Variants in FER observed in about 807,000 individuals in gnomAD.
The protein encoded by FER is tyrosine-protein kinase Fer.
FER carries 63 observed loss-of-function variants against 111.0 expected under a neutral mutation model. That is an observed-to-expected ratio of 0.57 (90% CI 0.46 to 0.70). The LOEUF is 0.70. Ranked by LOEUF, FER falls within the 30% of genes least tolerant of loss-of-function variation. The pLI is 0.00. For synonymous variants in FER, 327 were observed against 313.9 expected, an observed-to-expected ratio of 1.04 and a Z score of -0.44; for missense variants, 914 against 954.0, an observed-to-expected ratio of 0.96 and a Z score of 0.55.
At chr5:109,160,947 G>GAT (rs1755924685) in intron 17 of FER, among the ~76,000 whole-genome samples, 1 of 152,104 alleles carries the variant, frequency 6.6e-6, no homozygotes, top group Non-Finnish European at 1.5e-5. Context: ...GCCACACCTT[G>GAT]ATATATTATC....
chr5:109,050,262 G>A (rs575290057), intron 16 of FER, among the ~76,000 whole-genome samples: 4 of 152,122 alleles, frequency 2.6e-5, no homozygotes, highest in African/African-American at 9.6e-5. Context: ...GGATACACGG[G>A]GAAAAACATT....
At chr5:109,068,479 T>C (rs562439972) in intron 16 of FER, among the ~76,000 whole-genome samples, 4 of 152,080 alleles carry the variant, frequency 2.6e-5, no homozygotes, top group Non-Finnish European at 5.9e-5. Context: ...ACCGTGCCCG[T>C]TGCTCTGTTA....
intron 12 of FER, 111 bp from the exon 13 acceptor site, chr5:108,959,114 C>A: frequency 9.4e-7 from 1 of 1,063,338 alleles, no homozygotes; most frequent in Non-Finnish European, 1.3e-6. Flanking sequence ...AGTATATTCA[C>A]ATTGTTGTGC....
Position 108,941,661 on chromosome 5 carries a change from A to T in FER, c.1237-4469A>T. Among the ~76,000 whole-genome samples the T allele has an allele frequency of 1.3e-5, 2 of 152,216 alleles. 1 individual carries two copies. Among genetic ancestry groups the T allele is most frequent in the Non-Finnish European group, 2.9e-5 (2 of 68,034 alleles). The stretch of plus-strand genomic sequence containing the variant: ...TAATTTATAATAGTTATGATTTTTC[A>T]TACAAGCAAATTACACAGTTGTTTA... On this transcript the variant is annotated intron_variant, in intron 10 of 19. Coordinates refer to ENST00000281092, the MANE Select transcript of FER (RefSeq NM_005246.4).
At chr5:109,108,302 A>C (rs1402434347) in intron 17 of FER, among the ~76,000 whole-genome samples, 1 of 152,178 alleles carries the variant, frequency 6.6e-6, no homozygotes, top group Non-Finnish European at 1.5e-5. Context: ...GCTGATGATA[A>C]AACCTGTGAA....
chr5:109,110,220 G>A (rs114914494), intron 17 of FER, among the ~76,000 whole-genome samples: 2 of 152,096 alleles, frequency 1.3e-5, no homozygotes, highest in Non-Finnish European at 2.9e-5. Context: ...TGGGGAAAGT[G>A]GATAATAAAC....
At chr5:109,029,425 C>CTTTTTTTTTTTTT (rs757282669) in intron 13 of FER, among the ~76,000 whole-genome samples, 5 of 52,212 alleles carry the variant, frequency 9.6e-5, no homozygotes, top group African/African-American at 2.5e-4. Flanking sequence ...ATTCATTGTT[C>CTTTTTTTTTTTTT]TTTTTTTTTT....
intron 10 of FER, among the ~76,000 whole-genome samples, chr5:108,920,417 G>T (rs1017984350): frequency 1.3e-5 from 2 of 152,090 alleles, no homozygotes; most frequent in African/African-American, 4.8e-5. Context: ...AATTTATAAA[G>T]ATTGTCTTCA....
chr5:108,936,805 C>G (rs955347843), intron 10 of FER, among the ~76,000 whole-genome samples: 5 of 151,910 alleles, frequency 3.3e-5, no homozygotes, highest in Admixed American at 2.6e-4. Flanking sequence ...TTTATAAGTA[C>G]AGCAAACTAG....
chr5:108,848,133 G>A (rs150979391), intron 5 of FER, among the ~76,000 whole-genome samples: 2 of 152,180 alleles, frequency 1.3e-5, no homozygotes, highest in East Asian at 3.9e-4. Flanking sequence ...GCCTCCCTGG[G>A]CCTCCCAAAG....
At chr5:109,014,349 C>T (rs1202918665) in intron 13 of FER, among the ~76,000 whole-genome samples, 2 of 152,168 alleles carry the variant, frequency 1.3e-5, no homozygotes, top group Non-Finnish European at 2.9e-5. Context: ...AATCCTTTCC[C>T]CATTGTTGTT....
In FER at chr5:108,879,704, ATAT is replaced by A. The variant is rs1561553214; in HGVS notation, c.924-3691_924-3689del. ...TATTTTTTTTAGATTAAAAAAAAATATATATATATATATATATATATTTGAGGC... is the reference window on the plus strand; with the variant it reads ...TATTTTTTTTAGATTAAAAAAAAATAATATATATATATATATATTTGAGGC... On this transcript the variant is annotated intron_variant, in intron 8 of 19. Transcript: ENST00000281092. Among the ~76,000 whole-genome samples the A allele has an allele frequency of 3.7e-4, 42 of 114,832 alleles. 1 individual carries two copies. Among genetic ancestry groups the A allele is most frequent in the African/African-American group, 1.8e-3 (42 of 23,240 alleles). The allele number at this position is 114,832 out of a possible 152,430, so 75.3% of individuals were successfully genotyped here. A position where few individuals can be genotyped will look rare whatever the true frequency, so the allele number is the denominator to read the frequency against.
At chr5:109,003,586 T>C (rs139912103) in intron 13 of FER, among the ~76,000 whole-genome samples, 70 of 152,170 alleles carry the variant, frequency 4.6e-4, no homozygotes, top group African/African-American at 1.6e-3. Context: ...CTGCACGTAG[T>C]GCACATGTAT....
chr5:108,842,788 C>T (rs528226741), intron 5 of FER: 3 of 152,264 alleles, frequency 2.0e-5, no homozygotes, highest in East Asian at 3.9e-4. Context: ...GGGAACACTT[C>T]TACACGGCTG....
intron 13 of FER, among the ~76,000 whole-genome samples, chr5:108,991,085 CAG>C (rs540343755): frequency 3.3e-5 from 5 of 151,068 alleles, no homozygotes; most frequent in South Asian, 2.1e-4. Flanking sequence ...ATATCTTAAA[CAG>C]GGGTACTTTT....
chr5:108,996,356 T>C (rs985141123), intron 13 of FER, among the ~76,000 whole-genome samples: 1 of 152,226 alleles, frequency 6.6e-6, no homozygotes, highest in African/African-American at 2.4e-5. Context: ...TCCTGAATGG[T>C]AATGCCTAGG....
intron 10 of FER, among the ~76,000 whole-genome samples, chr5:108,931,105 A>G (rs1159180435): frequency 6.6e-6 from 1 of 152,214 alleles, no homozygotes; most frequent in African/African-American, 2.4e-5. Context: ...TAAAATGAGG[A>G]TAATAACAGG....
chr5:109,135,259 G>C (rs904943340), intron 17 of FER, among the ~76,000 whole-genome samples: 12 of 152,176 alleles, frequency 7.9e-5, no homozygotes, highest in Middle Eastern at 3.4e-3. Context: ...ATGTATATTC[G>C]TTCACTTAAT....
In FER at chr5:108,904,199, C is replaced by G. The variant is rs1381269148; in HGVS notation, c.1236+6351C>G. On this transcript the variant is annotated intron_variant, in intron 10 of 19. Transcript: ENST00000281092. ...TTTTCACTGTTATGGGCCTTTTACT[C>G]TAATTGGAGGGGACAGTGAATAAAC... Among the ~76,000 whole-genome samples the G allele has an allele frequency of 4.6e-5, 7 of 151,974 alleles. No individual in the cohort carries two copies. The East Asian group carries it at 1.2e-3, about 25-fold the overall frequency.
Sources: gnomAD v4.1 joint callset for allele counts (sites outside exome capture counted in the v4.1 genomes callset) on GRCh38, gnomAD v4.1.1 for gene constraint, MANE v1.5 for transcripts, NCBI Gene and HGNC (gene_info 2026-07-23, HGNC 2026-07-21) for gene names.